Variants in MIPEP observed in about 807,000 individuals in gnomAD.
MIPEP encodes mitochondrial intermediate peptidase.
A neutral mutation model predicts 90.3 loss-of-function variants in MIPEP; 79 were observed. The observed-to-expected ratio is 0.87, with a 90% CI of 0.73 to 1.05. MIPEP has a LOEUF of 1.05. MIPEP is among the 50% of genes least tolerant of loss of function. The probability of loss-of-function intolerance (pLI) is 0.00; values close to 1 mark genes in which losing one functional copy is unlikely to be tolerated. For missense variants in MIPEP, 940 were observed against 905.6 expected (o/e 1.04, Z -0.49); for synonymous variants, 334 against 315.8 (o/e 1.06, Z -0.61).
chr13:23,855,948 C>CA (rs1870030205), intron 10 of MIPEP, among the ~76,000 whole-genome samples: 1 of 152,154 alleles, frequency 6.6e-6, no homozygotes, highest in Admixed American at 6.5e-5. Flanking sequence ...ACATGTCATG[C>CA]AAAAACATGG....
intron 13 of MIPEP, 144 bp downstream of exon 13, chr13:23,837,408 G>A (rs1341655656): frequency 1.6e-6 from 1 of 611,922 alleles, no homozygotes; most frequent in Non-Finnish European, 2.9e-6. Context: ...ACCATGGGGA[G>A]GGCAGGATGA....
intron 5 of MIPEP, among the ~76,000 whole-genome samples, chr13:23,874,247 T>G (rs1474921743): frequency 3.3e-5 from 5 of 152,346 alleles, no homozygotes; most frequent in South Asian, 4.1e-4. Context: ...ACAACTGAAA[T>G]GAGGCACTTG....
rs1366756811 is a variant in MIPEP, at chr13:23,836,587, CT to C, written c.1544-239del. ...AATATTTGCACAGCTGCTAAAACAC[CT>C]TATAAAGCCATGGCTCACACCTTTT... On this transcript the variant is annotated intron_variant, in intron 13 of 18. Transcript: ENST00000382172. 4.6e-5 allele frequency among the ~76,000 whole-genome samples: 7 copies of C among 152,150 alleles called. 1 individual carries two copies. Among genetic ancestry groups the C allele is most frequent in the Admixed American group, 3.9e-4 (6 of 15,280 alleles).
chr13:23,856,591 A>G (rs1427619092), intron 10 of MIPEP, among the ~76,000 whole-genome samples: 1 of 152,184 alleles, frequency 6.6e-6, no homozygotes, highest in Non-Finnish European at 1.5e-5. Flanking sequence ...TGGCCTTGGC[A>G]CTAGTAAACT....
chr13:23,799,232 A>G (rs933471576), intron 16 of MIPEP, among the ~76,000 whole-genome samples: 8 of 150,902 alleles, frequency 5.3e-5, no homozygotes, highest in African/African-American at 2.0e-4. Context: ...CTGGTTTCGA[A>G]CTCCTAAGCT....
intron 7 of MIPEP, among the ~76,000 whole-genome samples, chr13:23,866,208 G>A (rs528361270): frequency 2.6e-5 from 4 of 152,022 alleles, no homozygotes; most frequent in East Asian, 1.9e-4. Context: ...CAAATGCCCC[G>A]AGCTCCTAAA....
rs554605545 is a variant in MIPEP at position 23,869,180 on chromosome 13, T to C, written c.943+112A>G. 4.3e-5 allele frequency: 39 copies of C among 908,382 alleles called. 2 individuals are homozygous for C. The South Asian group carries it at 1.2e-3, about 27-fold the overall frequency. 56.3% of individuals were successfully genotyped at this position (908,382 alleles called of 1,614,324 possible). On this transcript the variant is annotated intron_variant, in intron 7 of 18. Transcript: ENST00000382172. The stretch of plus-strand genomic sequence containing the variant: ...AAAATACATAGAAAATCTCAATAAA[T>C]GGTTCTCTACATGTATTAAAAATAG...
chr13:23,814,644 G>C (rs1219638103), intron 14 of MIPEP, among the ~76,000 whole-genome samples: 1 of 152,156 alleles, frequency 6.6e-6, no homozygotes, highest in Admixed American at 6.5e-5. Flanking sequence ...GCTAATTATG[G>C]TAAAGAACAA....
In MIPEP at chr13:23,739,456, C is replaced by T. The variant is rs149558768; in HGVS notation, c.2045-9011G>A. Among the ~76,000 whole-genome samples, 28 of 152,346 alleles carry T rather than the reference C, an allele frequency of 1.8e-4. No individual in the cohort carries two copies. The East Asian group carries it at 4.6e-3, about 25-fold the overall frequency. Reference sequence around the variant, plus strand: ...ATTATGAGAAAAGCTCAGAAACACACACCTAAGAAGCTTCTTTCATTCTGA... The same window carrying T: ...ATTATGAGAAAAGCTCAGAAACACATACCTAAGAAGCTTCTTTCATTCTGA... On this transcript the variant is annotated intron_variant, in intron 18 of 18. Coordinates refer to ENST00000382172, the MANE Select transcript of MIPEP (RefSeq NM_005932.4).
chr13:23,766,440 A>G (rs1470152084), intron 16 of MIPEP, among the ~76,000 whole-genome samples: 1 of 152,242 alleles, frequency 6.6e-6, no homozygotes, highest in East Asian at 1.9e-4. Flanking sequence ...TAGAAAGACC[A>G]TTTTGAGTTC....
intron 10 of MIPEP, among the ~76,000 whole-genome samples, chr13:23,853,868 C>T (rs767741876): frequency 3.3e-5 from 5 of 151,406 alleles, no homozygotes; most frequent in African/African-American, 7.3e-5. Flanking sequence ...GCCCAGCCCA[C>T]GATGCATTTC....
chr13:23,748,308 G>T (rs998262355), intron 18 of MIPEP, among the ~76,000 whole-genome samples: 2 of 146,502 alleles, frequency 1.4e-5, no homozygotes, highest in African/African-American at 4.8e-5. Flanking sequence ...ATGCCGATGG[G>T]CTGAGCCCTG....
rs201562039 is a variant in MIPEP, at chr13:23,813,926, C to T, written c.1654-4002G>A. ...TTGTCTCCTAAACACAAGACTCTCACATTTGCTACATTAAAGAAACAGAAT... is the reference window on the plus strand; with the variant it reads ...TTGTCTCCTAAACACAAGACTCTCATATTTGCTACATTAAAGAAACAGAAT... On this transcript the variant is annotated intron_variant, in intron 14 of 18. Coordinates refer to ENST00000382172, the MANE Select transcript of MIPEP (RefSeq NM_005932.4). Among the ~76,000 whole-genome samples the T allele has an allele frequency of 3.3e-5, 5 of 152,266 alleles. No homozygotes were observed. The East Asian group carries it at 7.7e-4, about 23-fold the overall frequency.
chr13:23,735,921 A>AC (rs1369627438), intron 18 of MIPEP, among the ~76,000 whole-genome samples: 22 of 152,252 alleles, frequency 1.4e-4, no homozygotes, highest in Non-Finnish European at 2.4e-4. Flanking sequence ...AACAAAAAAA[A>AC]CAATGTTTCA....
intron 12 of MIPEP, among the ~76,000 whole-genome samples, chr13:23,838,183 G>T (rs1332422127): frequency 2.0e-5 from 3 of 151,680 alleles, no homozygotes; most frequent in Non-Finnish European, 4.4e-5. Context: ...TTGCTCTGTT[G>T]CCCAGGCTGG....
At chr13:23,750,080 T>C (rs1055548144) in intron 18 of MIPEP, among the ~76,000 whole-genome samples, 2 of 152,108 alleles carry the variant, frequency 1.3e-5, no homozygotes, top group South Asian at 2.1e-4. Context: ...AGGTTCTTTG[T>C]TTTTAATTAA....
At chr13:23,776,540 T>C (rs1412722551) in intron 16 of MIPEP, among the ~76,000 whole-genome samples, 1 of 152,224 alleles carries the variant, frequency 6.6e-6, no homozygotes, top group Non-Finnish European at 1.5e-5. Flanking sequence ...CACTGTCTTG[T>C]ACATGTATAT....
intron 14 of MIPEP, among the ~76,000 whole-genome samples, chr13:23,824,467 G>A (rs1953343497): frequency 6.6e-6 from 1 of 152,196 alleles, no homozygotes; most frequent in Non-Finnish European, 1.5e-5. Flanking sequence ...CTGGGCACGT[G>A]ATAGGTCTAA....
intron 4 of MIPEP, among the ~76,000 whole-genome samples, chr13:23,878,195 C>T (rs1301483649): frequency 6.6e-6 from 1 of 152,276 alleles, no homozygotes; most frequent in Non-Finnish European, 1.5e-5. Context: ...AATAGGCATT[C>T]GACTTTTCCT....
Sources: allele counts gnomAD v4.1 joint callset (sites outside exome capture counted in the v4.1 genomes callset), GRCh38; gene constraint gnomAD v4.1.1; transcripts MANE v1.5; gene names NCBI Gene and HGNC (gene_info 2026-07-23, HGNC 2026-07-21).